CPSF2: variants seen among roughly 807,000 people sequenced by gnomAD.
CPSF2 encodes the protein cleavage and polyadenylation specificity factor subunit 2.
A neutral mutation model predicts 84.2 loss-of-function variants in CPSF2; 51 were observed. That is an observed-to-expected ratio of 0.61 (90% CI 0.48 to 0.77). The LOEUF is 0.77. CPSF2 is among the 30% of genes least tolerant of loss of function. The pLI, the probability that CPSF2 is intolerant of heterozygous loss-of-function variation, is 0.00. For missense variants in CPSF2, 641 were observed against 929.4 expected (o/e 0.69, Z 4.03); for synonymous variants, 286 against 311.9 (o/e 0.92, Z 0.87).
chr14:92,164,771 ATTG>A lies in CPSF2; in HGVS notation c.*3028_*3030del, dbSNP rs2069421602. 1.3e-5 allele frequency: 2 copies of A among 152,254 alleles called. No homozygotes were observed. The highest frequency in any genetic ancestry group is 2.9e-5 in the Non-Finnish European group (2 of 68,040). The allele number at this position is 152,254 out of a possible 1,614,324, so 9.4% of individuals were successfully genotyped here. ...GTGAGCCATTTGGCTTTTTTAAAAA[ATTG>A]AGATTCAACTTACATACCATAAAGT... On this transcript the variant is annotated 3_prime_UTR_variant, in exon 16 of 16. Coordinates refer to ENST00000298875, the MANE Select transcript of CPSF2 (RefSeq NM_017437.3).
chr14:92,149,736 A>G (rs990837242), intron 9 of CPSF2, among the ~76,000 whole-genome samples: 7 of 151,930 alleles, frequency 4.6e-5, no homozygotes, highest in Non-Finnish European at 1.0e-4. Context: ...GCTCACTGCA[A>G]CCTCCGCCTC....
chr14:92,142,169 G>A lies in CPSF2; in HGVS notation c.667G>A (p.Val223Ile). The change falls in exon 8 of 16, where the codon GTC becomes ATC. Residue 223 changes from valine to isoleucine, a missense_variant. Transcript: ENST00000298875. The stretch of plus-strand genomic sequence containing the variant: ...TTTACATTCTTGTTTTCTAGCAAAT[G>A]TCCTGGAAACACTTCGAGGTGATGG... Reference protein sequence around the residue: ...KQRDEQLLTNVLETLRGDGNV... With the variant: ...KQRDEQLLTNILETLRGDGNV... 6.2e-7 allele frequency: 1 copy of A among 1,600,300 alleles called. No individual in the cohort carries two copies. The highest frequency in any genetic ancestry group is 8.5e-7 in the Non-Finnish European group (1 of 1,171,578).
At chr14:92,122,782 C>T (rs2068791160) in intron 1 of CPSF2, among the ~76,000 whole-genome samples, 1 of 152,206 alleles carries the variant, frequency 6.6e-6, no homozygotes. Context: ...CCAGGCGAAC[C>T]TGAGCTATCA....
intron 10 of CPSF2, 46 bp downstream of exon 10, chr14:92,154,504 G>A (rs1335207623): frequency 9.2e-6 from 12 of 1,298,110 alleles, no homozygotes; most frequent in South Asian, 1.4e-5. Context: ...TGCAATTTGA[G>A]AAGAATGTGT....
Position 92,150,700 on chromosome 14 carries a change from A to G in CPSF2, c.1141-3658A>G, listed in dbSNP as rs190790698. Among the ~76,000 whole-genome samples the G allele has an allele frequency of 7.1e-4, 108 of 152,316 alleles. No individual in the cohort carries two copies. In the Middle Eastern group the frequency reaches 0.017, roughly 24 times the overall value. On this transcript the variant is annotated intron_variant, in intron 9 of 15. Coordinates refer to ENST00000298875, the MANE Select transcript of CPSF2 (RefSeq NM_017437.3). Reference sequence around the variant, plus strand: ...CCGACTCCCAAAGTGCTAGAATTACAGGCATGAATCACTGTGCCCAGTCTG... The same window carrying G: ...CCGACTCCCAAAGTGCTAGAATTACGGGCATGAATCACTGTGCCCAGTCTG...
At position 92,170,986 on chromosome 14, in the gene CPSF2, A is replaced by G. The variant is rs536436071; in HGVS notation, c.*9242A>G. ...CCATAGTGAAATGATTATTACAGGT[A>G]TTAATTAATGAGGAATTACGTATTT... On this transcript the variant is annotated 3_prime_UTR_variant, in exon 16 of 16. Coordinates refer to ENST00000298875, the MANE Select transcript of CPSF2 (RefSeq NM_017437.3). 11 of 152,332 alleles carry G rather than the reference A, an allele frequency of 7.2e-5. No homozygotes were observed. The highest frequency in any genetic ancestry group is 1.9e-4 in the African/African-American group (8 of 41,578). 9.4% of individuals were successfully genotyped at this position (152,332 alleles called of 1,614,324 possible).
intron 2 of CPSF2, among the ~76,000 whole-genome samples, chr14:92,128,349 G>A (rs2068868887): frequency 1.3e-5 from 2 of 152,194 alleles, no homozygotes; most frequent in Admixed American, 6.5e-5. Flanking sequence ...TGGGCGTGGT[G>A]GTGCATGCCT....
intron 7 of CPSF2, among the ~76,000 whole-genome samples, chr14:92,141,961 C>T (rs1334944005): frequency 1.3e-5 from 2 of 152,124 alleles, no homozygotes; most frequent in East Asian, 1.9e-4. Context: ...GAGTTAATGA[C>T]ACTGAATATA....
At chr14:92,127,947 G>A (rs571288151) in intron 2 of CPSF2, among the ~76,000 whole-genome samples, 5 of 152,310 alleles carry the variant, frequency 3.3e-5, no homozygotes, top group Admixed American at 1.3e-4. Flanking sequence ...AGGGATGGGT[G>A]ATCTTTGAAC....
At chr14:92,135,230 A>C (rs2068983605) in intron 5 of CPSF2, 137 bp from the exon 6 acceptor site, 2 of 678,584 alleles carry the variant, frequency 2.9e-6, no homozygotes, top group Non-Finnish European at 4.6e-6. Context: ...GCCTGCTTTC[A>C]CTATATGCAT....
rs2068951468 is a variant in CPSF2, at chr14:92,132,924, C to A, written c.150-1087C>A. On this transcript the variant is annotated intron_variant, in intron 3 of 15. Transcript: ENST00000298875. ...TGGCCAACATGGTGAAAGTGTGTCT[C>A]TACTAAAAATAAAAAAATTAGCCAG... Among the ~76,000 whole-genome samples the A allele has an allele frequency of 2.0e-5, 3 of 151,596 alleles. No homozygotes were observed. In the South Asian group the frequency reaches 6.2e-4, roughly 32 times the overall value.
At chr14:92,141,928 A>C (rs1318393111) in intron 7 of CPSF2, among the ~76,000 whole-genome samples, 1 of 152,132 alleles carries the variant, frequency 6.6e-6, no homozygotes, top group Non-Finnish European at 1.5e-5. Context: ...CTGATTTATA[A>C]TTTTTTAATG....
At chr14:92,136,229 T>A (rs1278133350) in intron 6 of CPSF2, among the ~76,000 whole-genome samples, 1 of 152,220 alleles carries the variant, frequency 6.6e-6, no homozygotes, top group Non-Finnish European at 1.5e-5. Context: ...TGTGTTACAT[T>A]ACAATAGTCT....
chr14:92,142,909 G>A, intron 8 of CPSF2, 95 bp from the exon 9 acceptor site: 3 of 1,104,552 alleles, frequency 2.7e-6, no homozygotes, highest in East Asian at 4.9e-5. Flanking sequence ...ACCAGTGGGG[G>A]TAAAAGATAG....
chr14:92,136,543 T>C (rs2402113), intron 6 of CPSF2, among the ~76,000 whole-genome samples: 30,421 of 152,056 alleles, frequency 0.2, 3,409 homozygotes, highest in East Asian at 0.53. Context: ...TGTGAACCTG[T>C]GATCAATTAA....
In CPSF2 at chr14:92,161,780, C is replaced by A; in HGVS notation, c.*36C>A. On this transcript the variant is annotated 3_prime_UTR_variant, in exon 16 of 16. Transcript: ENST00000298875. ...GTCAAGAAGTATCTGCTTGACCTTT[C>A]TAAGAAAAAGGGATTCTTATCTTAC... is the stretch of plus-strand genomic sequence containing the variant. 1 of 1,223,146 alleles carries A rather than the reference C, an allele frequency of 8.2e-7. No homozygotes were observed. Among genetic ancestry groups the A allele is most frequent in the Non-Finnish European group, 1.1e-6 (1 of 873,706 alleles). The allele number at this position is 1,223,146 out of a possible 1,614,324, so 75.8% of individuals were successfully genotyped here. A position where few individuals can be genotyped will look rare whatever the true frequency, so the allele number is the denominator to read the frequency against.
chr14:92,122,892 T>C (rs1444706523), intron 1 of CPSF2, among the ~76,000 whole-genome samples: 1 of 151,618 alleles, frequency 6.6e-6, no homozygotes, highest in African/African-American at 2.4e-5. Context: ...TTTCACTATG[T>C]TGCCCAGGCC....
At chr14:92,160,199 G>GTGATCC (rs767842310) in intron 14 of CPSF2, among the ~76,000 whole-genome samples, 2 of 152,194 alleles carry the variant, frequency 1.3e-5, no homozygotes, top group Non-Finnish European at 2.9e-5. Context: ...CTGACCTCAG[G>GTGATCC]TGATCCACCC....
Position 92,159,284 on chromosome 14 carries a change from T to TA in CPSF2, c.2121+9dup, listed in dbSNP as rs768102113. ...TTGGAACCCTTGCCACCTCATGAGG[T>TA]AAAAAAAGCATGTGCTTTTTTGATT... On this transcript the variant is annotated splice_region_variant and intron_variant, in intron 14 of 15. Coordinates refer to ENST00000298875, the MANE Select transcript of CPSF2 (RefSeq NM_017437.3). 33 of 1,567,616 alleles carry TA rather than the reference T, an allele frequency of 2.1e-5. No individual in the cohort carries two copies. The highest frequency in any genetic ancestry group is 4.7e-5 in the South Asian group (4 of 84,270).
Sources: gnomAD v4.1 joint callset for allele counts (sites outside exome capture counted in the v4.1 genomes callset) on GRCh38, gnomAD v4.1.1 for gene constraint, MANE v1.5 for transcripts, NCBI Gene and HGNC (gene_info 2026-07-23, HGNC 2026-07-21) for gene names.